The following XIST variants were observed in gnomAD, a reference collection of about 807,000 sequenced individuals.
The protein encoded by XIST is X inactive specific transcript, also known as X inactive specific transcript (non-protein coding).
exon 6 of XIST, chrX:73,821,085 C>T (rs746174465): frequency 3.6e-6 from 2 of 558,445 alleles, no homozygotes; most frequent in Non-Finnish European, 6.5e-6. Context: ...ATAATCCATT[C>T]CCCATCCCCA....
At chrX:73,821,062 T>C in exon 6 of XIST, 1 of 558,748 alleles carries the variant, frequency 1.8e-6, no homozygotes, top group Non-Finnish European at 3.2e-6. Context: ...TACTTTCTTC[T>C]TTCCATTTTC....
chrX:73,823,745 A>G (rs1184825451), exon 6 of XIST: 11 of 556,721 alleles, frequency 2.0e-5, no homozygotes, highest in Non-Finnish European at 3.2e-5. Context: ...CTCTCTACTC[A>G]GCTTAGTACA....
chrX:73,850,520 G>T (rs760789559), exon 1 of XIST: 21 of 545,134 alleles, frequency 3.9e-5, no homozygotes, highest in Non-Finnish European at 6.6e-5. Flanking sequence ...TAGCCAAGGG[G>T]TAGGTGTTCC....
chrX:73,824,404 C>T (rs1210113429), exon 6 of XIST: 1 of 550,914 alleles, frequency 1.8e-6, no homozygotes, highest in Non-Finnish European at 3.3e-6. Flanking sequence ...TATATGGTGC[C>T]TTAGAGTTCA....
At chrX:73,828,976 C>T (rs1337705164) in intron 5 of XIST, 3 of 463,421 alleles carry the variant, frequency 6.5e-6, no homozygotes, top group African/African-American at 2.4e-5. Context: ...TCACATTAGA[C>T]CAACACACCC....
intron 2 of XIST, among the ~76,000 whole-genome samples, chrX:73,835,230 T>C (rs954384253): frequency 7.2e-5 from 8 of 111,767 alleles, no homozygotes; most frequent in Non-Finnish European, 1.5e-4. Context: ...TAAGGATAGT[T>C]TAGATCAGCT....
chrX:73,841,079 C>G (rs1430691225), intron 1 of XIST, among the ~76,000 whole-genome samples: 4 of 111,589 alleles, frequency 3.6e-5, no homozygotes, highest in African/African-American at 9.8e-5. Flanking sequence ...AGCTCCTCAA[C>G]GATAAAATCA....
exon 1 of XIST, chrX:73,849,868 G>A (rs774014941): frequency 5.9e-6 from 3 of 505,715 alleles, no homozygotes; most frequent in East Asian, 3.6e-5. Context: ...AGGGGACTGG[G>A]GCTGGGGCAG....
At chrX:73,831,924 T>A (rs1398600036) in intron 3 of XIST, among the ~76,000 whole-genome samples, 1 of 112,385 alleles carries the variant, frequency 8.9e-6, no homozygotes, top group South Asian at 3.6e-4. Context: ...AAGAGAATTG[T>A]TTCCTACTCA....
At chrX:73,842,568 C>A (rs757823260) in exon 1 of XIST, 2 of 556,911 alleles carry the variant, frequency 3.6e-6, no homozygotes, top group African/African-American at 2.2e-5. Flanking sequence ...TGCACCAACA[C>A]ACCAAAGTGG....
chrX:73,849,424 T>C, exon 1 of XIST: 1 of 559,027 alleles, frequency 1.8e-6, no homozygotes, highest in East Asian at 3.2e-5. Context: ...CAAAGAGTTT[T>C]AGGTGGCCAA....
rs755522889 is a variant in XIST, at chrX:73,850,286, G to A, written n.2438C>T. 1.2e-4 allele frequency: 65 copies of A among 549,094 alleles called. No individual in the cohort carries two copies. In the East Asian group the frequency reaches 2.1e-3, roughly 18 times the overall value. 45.3% of individuals were successfully genotyped at this position (549,094 alleles called of 1,213,427 possible). On this transcript the variant is annotated non_coding_transcript_exon_variant, in exon 1 of 6. Transcript: ENST00000429829. ...CTTTGACTATCTACTGCCAAAAAAA[G>A]GTTAAGGAATTTGTAATGAGAAGCT...
exon 6 of XIST, chrX:73,822,400 G>A (rs1250724287): frequency 5.8e-6 from 3 of 520,023 alleles, no homozygotes; most frequent in East Asian, 7.1e-5. Flanking sequence ...CAAGCCAAAA[G>A]GAAAGTATTA....
exon 6 of XIST, chrX:73,827,864 G>A: frequency 1.9e-6 from 1 of 529,650 alleles, no homozygotes; most frequent in Non-Finnish European, 3.4e-6. Flanking sequence ...AACAAAAAGA[G>A]AAAATGAGGC....
chrX:73,830,480 C>G (rs768765365), intron 4 of XIST, among the ~76,000 whole-genome samples: 2 of 112,292 alleles, frequency 1.8e-5, no homozygotes, highest in East Asian at 5.6e-4. Flanking sequence ...ATCAGCCTCT[C>G]CCAACACTGA....
intron 1 of XIST, among the ~76,000 whole-genome samples, chrX:73,838,908 T>C (rs1204620581): frequency 1.8e-5 from 2 of 111,482 alleles, no homozygotes; most frequent in African/African-American, 6.5e-5. Flanking sequence ...AGGAAGGCAT[T>C]AGCTCTGTTT....
rs1407884578 is a variant in XIST at position 73,822,433 on chromosome X, A to AT, written n.17467dup. ...TTAGGCATTCTCTGGGAAGGCATGCATTTTTTTCCCATGTCTCTGGGGCCA... is the reference window on the plus strand; with the variant it reads ...TTAGGCATTCTCTGGGAAGGCATGCATTTTTTTTCCCATGTCTCTGGGGCCA... On this transcript the variant is annotated non_coding_transcript_exon_variant, in exon 6 of 6. Coordinates refer to ENST00000429829, the Ensembl canonical transcript of XIST. The AT allele has an allele frequency of 2.3e-5, 12 of 512,940 alleles. No homozygotes were observed. In the Admixed American group the frequency reaches 2.4e-4, roughly 10 times the overall value. 42.3% of individuals were successfully genotyped at this position (512,940 alleles called of 1,213,427 possible).
exon 1 of XIST, chrX:73,846,729 A>T (rs1922782805): frequency 1.8e-6 from 1 of 559,061 alleles, no homozygotes. Context: ...AAATACAATC[A>T]CACATATTGG....
exon 1 of XIST, chrX:73,850,900 G>C (rs746936967): frequency 1.8e-6 from 1 of 553,323 alleles, no homozygotes; most frequent in Non-Finnish European, 3.3e-6. Flanking sequence ...AGGGGACAGA[G>C]GTGGAAAGGC....
Sources: gnomAD v4.1 joint callset for allele counts (sites outside exome capture counted in the v4.1 genomes callset) on GRCh38, gnomAD v4.1.1 for gene constraint, MANE v1.5 for transcripts, NCBI Gene and HGNC (gene_info 2026-07-23, HGNC 2026-07-21) for gene names.